PTPRN2: variants seen among roughly 807,000 people sequenced by gnomAD.
The protein encoded by PTPRN2 is protein tyrosine phosphatase receptor type N2.
Under a neutral mutation model 118.8 loss-of-function variants are expected in PTPRN2, and 74 were observed. The ratio of observed to expected loss-of-function variants is 0.62; its 90% CI spans 0.52 to 0.76. The LOEUF is 0.76. Among genes scored for constraint, PTPRN2 ranks in the 30% least tolerant of loss-of-function variants. The pLI is 0.00. For missense variants in PTPRN2, 1,481 were observed against 1,394.4 expected, an observed-to-expected ratio of 1.06 and a Z score of -0.99; for synonymous variants, 641 against 608.0, an observed-to-expected ratio of 1.05 and a Z score of -0.80.
In PTPRN2 at chr7:158,133,199, T is replaced by C. The variant is rs945972177; in HGVS notation, c.1556+478A>G. Among the ~76,000 whole-genome samples, 12 of 152,210 alleles carry C rather than the reference T, an allele frequency of 7.9e-5. 1 individual carries two copies. Among genetic ancestry groups the C allele is most frequent in the Admixed American group, 6.5e-4 (10 of 15,284 alleles). On this transcript the variant is annotated intron_variant, in intron 9 of 22. Transcript: ENST00000389418. Reference sequence around the variant, plus strand: ...TTTGGTGCAAAACAGATAAAGCACCTGGAGTCCTTCCTAACAGGCAGGAGG... The same window carrying C: ...TTTGGTGCAAAACAGATAAAGCACCCGGAGTCCTTCCTAACAGGCAGGAGG...
intron 12 of PTPRN2, among the ~76,000 whole-genome samples, chr7:157,737,831 C>T (rs796675928): frequency 2.6e-5 from 4 of 152,354 alleles, no homozygotes; most frequent in Middle Eastern, 3.4e-3. Context: ...GGATGCTGTG[C>T]GTTAATCTGC....
chr7:158,395,787 C>A lies in PTPRN2; in HGVS notation c.164-78855G>T, dbSNP rs551200376. 4.7e-3 allele frequency among the ~76,000 whole-genome samples: 450 copies of A among 95,568 alleles called. 50 individuals carry two copies. Among genetic ancestry groups the A allele is most frequent in the Non-Finnish European group, 5.9e-3 (271 of 45,652 alleles). 62.7% of individuals were successfully genotyped at this position (95,568 alleles called of 152,430 possible). ...GGGGCGAGGGGTGAGGCGCGAGGGG[C>A]GAGGGGTGAGGCGCGAGGGGCGAGG... On this transcript the variant is annotated intron_variant, in intron 2 of 22. Transcript: ENST00000389418.
At chr7:157,744,192 C>G (rs968292007) in intron 12 of PTPRN2, among the ~76,000 whole-genome samples, 1 of 152,150 alleles carries the variant, frequency 6.6e-6, no homozygotes, top group African/African-American at 2.4e-5. Flanking sequence ...CGTAAACAAG[C>G]GGGCGCGAGG....
intron 3 of PTPRN2, among the ~76,000 whole-genome samples, chr7:158,262,354 C>G (rs7782741): frequency 0.14 from 20,658 of 142,788 alleles, 1,838 homozygotes; most frequent in African/African-American, 0.26. Context: ...TTCACACACA[C>G]TGCAAACATT....
rs1164170273 is a variant in PTPRN2, at chr7:158,243,071, T to C, written c.278-37798A>G. Reference sequence around the variant, plus strand: ...TTCCACTAACTTTGGGCTTAGTTTGTTCTTCATTTCCTAGTGCCTTGGGGT... The same window carrying C: ...TTCCACTAACTTTGGGCTTAGTTTGCTCTTCATTTCCTAGTGCCTTGGGGT... On this transcript the variant is annotated intron_variant, in intron 3 of 22. Coordinates refer to ENST00000389418, the MANE Select transcript of PTPRN2 (RefSeq NM_002847.5). Among the ~76,000 whole-genome samples the C allele has an allele frequency of 2.0e-5, 3 of 152,220 alleles. 1 individual carries two copies. In the South Asian group the frequency reaches 6.2e-4, roughly 32 times the overall value.
chr7:158,113,052 C>T (rs1408714223), intron 9 of PTPRN2, among the ~76,000 whole-genome samples: 1 of 151,396 alleles, frequency 6.6e-6, no homozygotes, highest in Non-Finnish European at 1.5e-5. Flanking sequence ...GCATTGAGGG[C>T]CCCCCAACAT....
chr7:158,540,505 C>T (rs567527731), intron 1 of PTPRN2, among the ~76,000 whole-genome samples: 2 of 152,244 alleles, frequency 1.3e-5, no homozygotes, highest in South Asian at 4.2e-4. Context: ...GGGCCCCCCA[C>T]CTGTGCTCCA....
chr7:158,262,718 TTGC>T (rs1797549512), intron 3 of PTPRN2, among the ~76,000 whole-genome samples: 4 of 125,592 alleles, frequency 3.2e-5, no homozygotes, highest in Admixed American at 8.1e-5. Flanking sequence ...TTCACACACA[TTGC>T]GCACACATAC....
chr7:158,243,493 A>G (rs1399652427), intron 3 of PTPRN2, among the ~76,000 whole-genome samples: 1 of 152,208 alleles, frequency 6.6e-6, no homozygotes, highest in Non-Finnish European at 1.5e-5. Flanking sequence ...CTCAGTGGAG[A>G]GATGGTTACT....
At chr7:157,894,022 G>A (rs567547795) in intron 12 of PTPRN2, among the ~76,000 whole-genome samples, 9 of 152,296 alleles carry the variant, frequency 5.9e-5, no homozygotes, top group African/African-American at 1.7e-4. Flanking sequence ...ATGGGAGCTC[G>A]TGATGGAAGG....
intron 10 of PTPRN2, among the ~76,000 whole-genome samples, chr7:158,100,803 C>T (rs1052510336): frequency 2.0e-5 from 3 of 151,992 alleles, no homozygotes; most frequent in Non-Finnish European, 4.4e-5. Flanking sequence ...AGTCTTTTGT[C>T]GGATATATAG....
chr7:157,886,283 C>T (rs947167093), intron 12 of PTPRN2, among the ~76,000 whole-genome samples: 1 of 152,104 alleles, frequency 6.6e-6, no homozygotes, highest in Non-Finnish European at 1.5e-5. Context: ...CCACCTCAGA[C>T]AATAAGCCGT....
intron 12 of PTPRN2, among the ~76,000 whole-genome samples, chr7:157,714,378 C>T (rs928841677): frequency 6.6e-6 from 1 of 152,206 alleles, no homozygotes; most frequent in Non-Finnish European, 1.5e-5. Flanking sequence ...TCCTTCCTTT[C>T]GCCCTGTGCA....
chr7:157,654,475 T>C (rs188977828), intron 14 of PTPRN2, among the ~76,000 whole-genome samples: 4 of 152,168 alleles, frequency 2.6e-5, no homozygotes, highest in African/African-American at 4.8e-5. Context: ...ACGCACAGAG[T>C]CTAAGTCAGC....
chr7:158,499,807 GTA>G lies in PTPRN2; in HGVS notation c.113-10024_113-10023del, dbSNP rs1554518888. The stretch of plus-strand genomic sequence containing the variant: ...TGTATGTGTGTGTGTGTGTGTGTGT[GTA>G]TATATATATATACACACACCCTCCA... On this transcript the variant is annotated intron_variant, in intron 1 of 22. Transcript: ENST00000389418. Among the ~76,000 whole-genome samples, 166 of 148,950 alleles carry G rather than the reference GTA, an allele frequency of 1.1e-3. 3 individuals are homozygous for G. The East Asian group carries it at 0.025, about 22-fold the overall frequency.
intron 17 of PTPRN2, among the ~76,000 whole-genome samples, chr7:157,586,522 A>T (rs1217120371): frequency 6.6e-6 from 1 of 152,250 alleles, no homozygotes; most frequent in Non-Finnish European, 1.5e-5. Context: ...CCGTGGTCCC[A>T]GGCTGGACAC....
chr7:158,123,201 A>C (rs142752334), intron 9 of PTPRN2, among the ~76,000 whole-genome samples: 371 of 152,382 alleles, frequency 2.4e-3, no homozygotes, highest in African/African-American at 8.0e-3. Flanking sequence ...TCATTAAAAC[A>C]AACCATGAAA....
intron 2 of PTPRN2, among the ~76,000 whole-genome samples, chr7:158,479,711 C>T (rs948053632): frequency 6.6e-6 from 1 of 152,212 alleles, no homozygotes; most frequent in African/African-American, 2.4e-5. Context: ...ATGCTGAGGC[C>T]ACATGGCGGA....
chr7:157,727,689 T>C (rs559245667), intron 12 of PTPRN2, among the ~76,000 whole-genome samples: 1 of 152,326 alleles, frequency 6.6e-6, no homozygotes, highest in East Asian at 1.9e-4. Flanking sequence ...TTTTCTGTTT[T>C]GTGTCGTTTA....
Sources: gnomAD v4.1 joint callset for allele counts (sites outside exome capture counted in the v4.1 genomes callset) on GRCh38, gnomAD v4.1.1 for gene constraint, MANE v1.5 for transcripts, NCBI Gene and HGNC (gene_info 2026-07-23, HGNC 2026-07-21) for gene names.